TRPM1: variants seen among roughly 807,000 people sequenced by gnomAD.
TRPM1 encodes the protein TRPM1-203 APA Isoform, Intron 10.
A neutral mutation model predicts 149.4 loss-of-function variants in TRPM1; 113 were observed. The ratio of observed to expected loss-of-function variants is 0.76; its 90% CI spans 0.65 to 0.88. The LOEUF (loss-of-function observed/expected upper bound fraction) is 0.88, where lower values mean the gene tolerates loss of function less well. TRPM1 is among the 40% of genes least tolerant of loss of function. TRPM1 has a pLI of 0.00. For missense variants in TRPM1, 1,976 were observed against 2,038.7 expected, an observed-to-expected ratio of 0.97 and a Z score of 0.59; for synonymous variants, 741 against 759.5, an observed-to-expected ratio of 0.98 and a Z score of 0.40.
At chr15:31,076,854 G>T in intron 3 of TRPM1, 51 bp downstream of exon 3, 1 of 1,363,758 alleles carries the variant, frequency 7.3e-7, no homozygotes, top group African/African-American at 1.4e-5. Context: ...TGAGAATAGT[G>T]GCAGACAAGC....
intron 1 of TRPM1, among the ~76,000 whole-genome samples, chr15:31,120,743 T>C (rs11070823): frequency 0.62 from 93,677 of 150,442 alleles, 29,373 homozygotes; most frequent in East Asian, 0.8. Context: ...AAAAAATTAC[T>C]GAAAGATATC....
At chr15:31,068,260 T>C (rs1476770388) in intron 4 of TRPM1, among the ~76,000 whole-genome samples, 168 bp from the exon 5 acceptor site, 1 of 152,182 alleles carries the variant, frequency 6.6e-6, no homozygotes, top group Non-Finnish European at 1.5e-5. Context: ...AAGGGAACTT[T>C]GGAGAGGATT....
At position 31,076,898 on chromosome 15, in the gene TRPM1, A is replaced by C. The variant is rs2140976912; in HGVS notation, c.83+7T>G. The C allele has an allele frequency of 6.3e-7, 1 of 1,589,000 alleles. No individual in the cohort carries two copies. Among genetic ancestry groups the C allele is most frequent in the Non-Finnish European group, 8.6e-7 (1 of 1,157,456 alleles). ...GGATAATGTCTTAATCGTGGATTTCAATTTACCTGTTAGAGTCTTTCATGC... is the reference window on the plus strand; with the variant it reads ...GGATAATGTCTTAATCGTGGATTTCCATTTACCTGTTAGAGTCTTTCATGC... On this transcript the variant is annotated splice_region_variant and intron_variant, in intron 3 of 27. Transcript: ENST00000256552.
chr15:31,098,301 G>A (rs1413631485), intron 1 of TRPM1, among the ~76,000 whole-genome samples: 3 of 152,130 alleles, frequency 2.0e-5, no homozygotes, highest in South Asian at 2.1e-4. Flanking sequence ...TTAGCTGGGC[G>A]TGGTGGCGGG....
Position 31,062,599 on chromosome 15 carries a change from A to C in TRPM1, c.1069T>G (p.Cys357Gly). Residue 357 changes from cysteine (C) to glycine (G), a missense_variant, in exon 9 of 28, where the codon TGC becomes GGC. Physicochemically the swap from Cys to Gly is radical, Grantham distance 159 (BLOSUM62 -3). Coordinates refer to ENST00000256552, the MANE Select transcript of TRPM1 (RefSeq NM_001252024.2). ...SHQLFAIIME[C>G]MKKKELVTVF... ...CTTACGAGTTCTTTCTTCTTCATGC[A>C]CTCCATTATAATTGCAAACAGCTGA... 6.2e-7 allele frequency: 1 copy of C among 1,614,102 alleles called. No homozygotes were observed. Among genetic ancestry groups the C allele is most frequent in the Non-Finnish European group, 8.5e-7 (1 of 1,179,998 alleles).
At chr15:31,071,978 A>AAATATATAT (rs1567034341) in intron 3 of TRPM1, among the ~76,000 whole-genome samples, 1 of 62,390 alleles carries the variant, frequency 1.6e-5, no homozygotes, top group African/African-American at 6.5e-5. Context: ...AAAAAAAAAA[A>AAATATATAT]ACATATATAT....
upstream of TRPM1, among the ~76,000 whole-genome samples, chr15:31,105,433 CTCTG>C (rs1196209313): frequency 9.1e-6 from 1 of 109,752 alleles, no homozygotes; most frequent in Non-Finnish European, 1.8e-5. Context: ...AGCTGTGTGT[CTCTG>C]TGTGTGTGTG....
intron 1 of TRPM1, among the ~76,000 whole-genome samples, chr15:31,111,316 G>A (rs2035685792): frequency 6.6e-6 from 1 of 152,200 alleles, no homozygotes; most frequent in Admixed American, 6.5e-5. Flanking sequence ...ATCCCTGAGA[G>A]TCTGAGTGTA....
intron 1 of TRPM1, among the ~76,000 whole-genome samples, chr15:31,082,712 G>T (rs1465230245): frequency 6.6e-6 from 1 of 152,182 alleles, no homozygotes; most frequent in East Asian, 1.9e-4. Context: ...TTTAAAGAAA[G>T]AAATATCTGC....
rs2034266585 is a variant in TRPM1, at chr15:31,062,710, A to G, written c.966-8T>C. The G allele has an allele frequency of 1.2e-6, 2 of 1,613,538 alleles. No homozygotes were observed. The highest frequency in any genetic ancestry group is 1.7e-4 in the Middle Eastern group (1 of 5,954). On this transcript the variant is annotated splice_polypyrimidine_tract_variant and splice_region_variant and intron_variant, in intron 8 of 27. Coordinates refer to ENST00000256552, the MANE Select transcript of TRPM1 (RefSeq NM_001252024.2). ...AGGGACTCATTTATTATTCTGTTCAAAGAAAATGCAAGAGAACAAAACAAG... is the reference window on the plus strand; with the variant it reads ...AGGGACTCATTTATTATTCTGTTCAGAGAAAATGCAAGAGAACAAAACAAG...
At chr15:31,156,195 CAAAA>C (rs35981768) in intron 1 of TRPM1, among the ~76,000 whole-genome samples, 215 of 36,622 alleles carry the variant, frequency 5.9e-3, no homozygotes, top group African/African-American at 0.018. Flanking sequence ...AGACCTCTGT[CAAAA>C]AAAAAAAAAA....
At chr15:31,148,649 CCTGT>C (rs2036253889) in intron 1 of TRPM1, among the ~76,000 whole-genome samples, 1 of 152,160 alleles carries the variant, frequency 6.6e-6, no homozygotes, top group Non-Finnish European at 1.5e-5. Flanking sequence ...GTGGCATGCA[CCTGT>C]CTATTTCAGC....
intron 27 of TRPM1, among the ~76,000 whole-genome samples, chr15:31,023,376 G>A (rs770771562): frequency 2.0e-5 from 3 of 152,256 alleles, no homozygotes; most frequent in Non-Finnish European, 4.4e-5. Context: ...CAGAGAGAGG[G>A]CAGGGCCTTG....
intron 1 of TRPM1, among the ~76,000 whole-genome samples, chr15:31,108,371 T>C (rs1656240366): frequency 6.6e-6 from 1 of 152,218 alleles, no homozygotes; most frequent in Non-Finnish European, 1.5e-5. Context: ...GTCAATGTAG[T>C]TTTAATTTGC....
At chr15:31,004,946 A>C (rs1034706658) in intron 27 of TRPM1, among the ~76,000 whole-genome samples, 4 of 152,046 alleles carry the variant, frequency 2.6e-5, no homozygotes, top group African/African-American at 7.2e-5. Context: ...TACTGAAAAC[A>C]CAAAACTTAG....
chr15:31,004,207 C>T (rs544103475), intron 27 of TRPM1, among the ~76,000 whole-genome samples: 18 of 151,996 alleles, frequency 1.2e-4, no homozygotes, highest in Non-Finnish European at 2.4e-4. Context: ...GTATGACCTA[C>T]GAAGGTCTTT....
At chr15:31,028,756 C>G (rs2032915974) in intron 24 of TRPM1, among the ~76,000 whole-genome samples, 2 of 142,076 alleles carry the variant, frequency 1.4e-5, no homozygotes, top group Admixed American at 1.4e-4. Flanking sequence ...CCAGTTGTCT[C>G]AAAAAAAAAA....
At chr15:31,122,435 C>G (rs998896436) in intron 1 of TRPM1, among the ~76,000 whole-genome samples, 1 of 152,046 alleles carries the variant, frequency 6.6e-6, no homozygotes, top group Non-Finnish European at 1.5e-5. Context: ...CTAGAAAATT[C>G]CAAAGAATCA....
At chr15:31,004,611 C>T (rs1246677843) in intron 27 of TRPM1, among the ~76,000 whole-genome samples, 2 of 152,252 alleles carry the variant, frequency 1.3e-5, no homozygotes, top group East Asian at 3.9e-4. Context: ...GTCTGGCTTC[C>T]TGGACGTTTG....
Sources: allele counts gnomAD v4.1 joint callset (sites outside exome capture counted in the v4.1 genomes callset), GRCh38; gene constraint gnomAD v4.1.1; transcripts MANE v1.5; gene names NCBI Gene and HGNC (gene_info 2026-07-23, HGNC 2026-07-21).